The following B4GALT6 variants were observed in gnomAD, a reference collection of about 807,000 sequenced individuals.
B4GALT6 encodes the protein UDP-Gal:beta-GlcNAc beta-1,4-galactosyltransferase 6.
Under a neutral mutation model 46.3 loss-of-function variants are expected in B4GALT6, and 14 were observed. That is an observed-to-expected ratio of 0.30 (90% CI 0.20 to 0.47). B4GALT6 has a LOEUF of 0.47. Ranked by LOEUF, B4GALT6 falls within the 20% of genes least tolerant of loss-of-function variation. The pLI is 0.99. For missense variants in B4GALT6, 386 were observed against 480.1 expected, an observed-to-expected ratio of 0.80 and a Z score of 1.83; for synonymous variants, 168 against 162.0, an observed-to-expected ratio of 1.04 and a Z score of -0.28.
intron 7 of B4GALT6, 139 bp from the exon 8 acceptor site, chr18:31,626,523 T>C: frequency 4.0e-6 from 2 of 494,528 alleles, no homozygotes; most frequent in South Asian, 4.2e-5. Flanking sequence ...TATAGGTCCA[T>C]GGCCTGTTAA....
chr18:31,663,019 T>C (rs2074237927), intron 2 of B4GALT6, among the ~76,000 whole-genome samples: 1 of 152,170 alleles, frequency 6.6e-6, no homozygotes, highest in African/African-American at 2.4e-5. Context: ...CATTATTTCA[T>C]CTAATGAATG....
the B4GALT6 span, among the ~76,000 whole-genome samples, chr18:31,695,814 A>G: frequency 1.3e-5 from 2 of 152,274 alleles, no homozygotes; most frequent in African/African-American, 4.8e-5. Flanking sequence ...TTTCACAGGC[A>G]ACATCTTGTA....
At chr18:31,683,294 G>C (rs1418338995) in intron 1 of B4GALT6, among the ~76,000 whole-genome samples, 3 of 152,174 alleles carry the variant, frequency 2.0e-5, no homozygotes, top group African/African-American at 7.2e-5. Flanking sequence ...CACTCTGTAA[G>C]GGGCATTACA....
In B4GALT6 at chr18:31,649,646, C is replaced by CA. The variant is rs893225744; in HGVS notation, c.347-4168dup. 5.0e-4 allele frequency among the ~76,000 whole-genome samples: 69 copies of CA among 136,996 alleles called. No individual in the cohort carries two copies. The South Asian group carries it at 6.4e-3, about 13-fold the overall frequency. The allele number at this position is 136,996 out of a possible 152,430, so 89.9% of individuals were successfully genotyped here. ...AGGAAACATTCAAGTAGCCAACAAA[C>CA]AAAAAAAAATGCTCCAAATCACAAA... On this transcript the variant is annotated intron_variant, in intron 3 of 8. Coordinates refer to ENST00000306851, the MANE Select transcript of B4GALT6 (RefSeq NM_004775.5).
At chr18:31,685,250 GC>G (rs1192591024), upstream of B4GALT6, among the ~76,000 whole-genome samples, 3 of 150,710 alleles carry the variant, frequency 2.0e-5, no homozygotes, top group Non-Finnish European at 4.4e-5. Context: ...GGGGTGAGGC[GC>G]CCCCGCCGGG....
At chr18:31,655,544 T>C (rs1173330911) in intron 3 of B4GALT6, among the ~76,000 whole-genome samples, 1 of 152,140 alleles carries the variant, frequency 6.6e-6, no homozygotes, top group Non-Finnish European at 1.5e-5. Flanking sequence ...GATGGTACAA[T>C]GGGCTGTGGG....
At chr18:31,679,625 G>A (rs116688005) in intron 1 of B4GALT6, among the ~76,000 whole-genome samples, 112 of 152,296 alleles carry the variant, frequency 7.4e-4, no homozygotes, top group African/African-American at 2.6e-3. Flanking sequence ...AGATGTGTTG[G>A]AGGATAAATA....
At chr18:31,641,016 T>C (rs1472310842) in intron 4 of B4GALT6, among the ~76,000 whole-genome samples, 1 of 152,236 alleles carries the variant, frequency 6.6e-6, no homozygotes. Flanking sequence ...CCTGCCCTTC[T>C]TGATTTTGAA....
At chr18:31,723,672 G>T in the B4GALT6 span, among the ~76,000 whole-genome samples, 509 of 152,218 alleles carry the variant, frequency 3.3e-3, 3 homozygotes, top group African/African-American at 0.012. Context: ...CTAATAGGGT[G>T]GTGAATTAAT....
intron 3 of B4GALT6, among the ~76,000 whole-genome samples, chr18:31,647,907 A>G (rs963557278): frequency 6.6e-6 from 1 of 152,180 alleles, no homozygotes; most frequent in Non-Finnish European, 1.5e-5. Flanking sequence ...GGCTCCCCCA[A>G]CACAGCCACT....
the B4GALT6 span, among the ~76,000 whole-genome samples, chr18:31,713,089 A>G: frequency 6.6e-6 from 1 of 152,232 alleles, no homozygotes; most frequent in East Asian, 1.9e-4. Context: ...ACAATGGCCC[A>G]TGCTTGTAAT....
the B4GALT6 span, among the ~76,000 whole-genome samples, chr18:31,690,976 C>T: frequency 4.6e-5 from 7 of 151,734 alleles, no homozygotes; most frequent in Non-Finnish European, 1.0e-4. Flanking sequence ...CACCACACAC[C>T]GGAGCCTGTC....
At chr18:31,663,197 T>C (rs951575680) in intron 2 of B4GALT6, among the ~76,000 whole-genome samples, 9 of 152,184 alleles carry the variant, frequency 5.9e-5, no homozygotes, top group Non-Finnish European at 1.0e-4. Flanking sequence ...GAACACCTTT[T>C]AATGGCTTTA....
chr18:31,641,043 C>T (rs751773467), intron 4 of B4GALT6, among the ~76,000 whole-genome samples: 8 of 152,156 alleles, frequency 5.3e-5, no homozygotes, highest in Non-Finnish European at 8.8e-5. Context: ...CACGAGTTGG[C>T]CACCTATGAC....
chr18:31,681,163 C>T (rs2074475728), intron 1 of B4GALT6, among the ~76,000 whole-genome samples: 1 of 152,126 alleles, frequency 6.6e-6, no homozygotes, highest in African/African-American at 2.4e-5. Flanking sequence ...GTTGAATGAA[C>T]TTGTAAGTCA....
In B4GALT6 at chr18:31,681,166, G is replaced by A. The variant is rs547422751; in HGVS notation, c.115+3146C>T. Among the ~76,000 whole-genome samples the A allele has an allele frequency of 5.9e-5, 9 of 152,278 alleles. No individual in the cohort carries two copies. In the South Asian group the frequency reaches 1.7e-3, roughly 28 times the overall value. On this transcript the variant is annotated intron_variant, in intron 1 of 8. Coordinates refer to ENST00000306851, the MANE Select transcript of B4GALT6 (RefSeq NM_004775.5). Reference sequence around the variant, plus strand: ...ACAACTCCTATTGTTGAATGAACTTGTAAGTCAGCTCATCTTTGATATGAC... The same window carrying A: ...ACAACTCCTATTGTTGAATGAACTTATAAGTCAGCTCATCTTTGATATGAC...
chr18:31,638,639 C>T lies in B4GALT6; in HGVS notation c.588+5G>A. The T allele has an allele frequency of 6.3e-7, 1 of 1,594,118 alleles. No individual in the cohort carries two copies. Among genetic ancestry groups the T allele is most frequent in the Non-Finnish European group, 8.6e-7 (1 of 1,161,976 alleles). On this transcript the variant is annotated splice_donor_5th_base_variant and intron_variant, in intron 5 of 8. Coordinates refer to ENST00000306851, the MANE Select transcript of B4GALT6 (RefSeq NM_004775.5). ...CTTAGTGACCACTATGAAAAGTATT[C>T]TCACCTGTTCAATGACATAAAACGC... is the stretch of plus-strand genomic sequence containing the variant.
At chr18:31,632,611 G>T (rs188874658) in intron 5 of B4GALT6, among the ~76,000 whole-genome samples, 2 of 152,136 alleles carry the variant, frequency 1.3e-5, no homozygotes, top group South Asian at 4.1e-4. Context: ...TAGTGGAGGA[G>T]TTAAACCACC....
At chr18:31,717,684 G>T in the B4GALT6 span, among the ~76,000 whole-genome samples, 31 of 152,166 alleles carry the variant, frequency 2.0e-4, no homozygotes, top group African/African-American at 7.2e-4. Flanking sequence ...GCGGGATGTG[G>T]TGGCTCACAC....
Sources: allele counts gnomAD v4.1 joint callset (sites outside exome capture counted in the v4.1 genomes callset), GRCh38; gene constraint gnomAD v4.1.1; transcripts MANE v1.5; gene names NCBI Gene and HGNC (gene_info 2026-07-23, HGNC 2026-07-21).